KLKB1: variants seen among roughly 807,000 people sequenced by gnomAD.
The protein encoded by KLKB1 is kallikrein B1.
In KLKB1, 58 loss-of-function variants were observed where a neutral mutation model predicts 73.6. The ratio of observed to expected loss-of-function variants is 0.79; its 90% confidence interval spans 0.64 to 0.98. The LOEUF is 0.98. KLKB1 is among the 50% of genes least tolerant of loss of function. KLKB1 has a pLI of 0.00. For missense variants in KLKB1, 737 were observed against 763.8 expected, an observed-to-expected ratio of 0.96 and a Z score of 0.41; for synonymous variants, 280 against 258.1, an observed-to-expected ratio of 1.08 and a Z score of -0.81.
intron 2 of KLKB1, chr4:186,213,534 C>T (rs1228830091): frequency 6.6e-6 from 1 of 152,178 alleles, no homozygotes; most frequent in African/African-American, 2.4e-5. Context: ...TTGTGAATTT[C>T]TCTGACTCTG....
At chr4:186,256,173 C>A in intron 13 of KLKB1, 86 bp downstream of exon 13, 1 of 795,072 alleles carries the variant, frequency 1.3e-6, no homozygotes, top group Non-Finnish European at 2.2e-6. Flanking sequence ...CGGTTTCTGT[C>A]TGAAATTATA....
chr4:186,241,876 CAACATATTAGATAGG>C (rs1441226982), intron 6 of KLKB1, among the ~76,000 whole-genome samples: 4 of 151,906 alleles, frequency 2.6e-5, no homozygotes, highest in African/African-American at 4.8e-5. Flanking sequence ...AAATAGTGCC[CAACATATTAGATAGG>C]AAAAGCAAAG....
At chr4:186,235,987 G>A (rs967898431) in intron 4 of KLKB1, among the ~76,000 whole-genome samples, 16 of 151,800 alleles carry the variant, frequency 1.1e-4, no homozygotes, top group African/African-American at 2.4e-4. Flanking sequence ...GGTGGCGCGC[G>A]CCTGTAGTCC....
chr4:186,219,596 A>G (rs915085461), intron 2 of KLKB1, among the ~76,000 whole-genome samples: 12 of 152,232 alleles, frequency 7.9e-5, no homozygotes, highest in Non-Finnish European at 1.8e-4. Flanking sequence ...AATAAGGAGG[A>G]AATATGACAA....
upstream of KLKB1, among the ~76,000 whole-genome samples, chr4:186,221,666 A>T (rs1421404269): frequency 6.6e-6 from 1 of 152,120 alleles, no homozygotes; most frequent in Non-Finnish European, 1.5e-5. Context: ...ACTTGATATG[A>T]TTTCAATCCT....
Position 186,236,838 on chromosome 4 carries a change from C to G in KLKB1, c.386C>G (p.Ser129Cys), listed in dbSNP as rs776224211. Residue 129 changes from serine (S) to cysteine (C), a missense_variant, in exon 5 of 15, where the codon TCT becomes TGT. Coordinates refer to ENST00000264690, the MANE Select transcript of KLKB1 (RefSeq NM_000892.5). ...VDMRGVNFNV[S>C]KVSSVEECQK... ...ATGAGAGGAGTCAATTTTAATGTGT[C>G]TAAGGTTAGCAGTGTTGAAGAATGC... is the stretch of plus-strand genomic sequence containing the variant. 6.2e-7 allele frequency: 1 copy of G among 1,613,896 alleles called. No individual in the cohort carries two copies. Among genetic ancestry groups the G allele is most frequent in the Non-Finnish European group, 8.5e-7 (1 of 1,179,906 alleles).
At chr4:186,210,898 G>A in intron 2 of KLKB1, 1 of 393,012 alleles carries the variant, frequency 2.5e-6, no homozygotes, top group Non-Finnish European at 4.7e-6. Context: ...GTGCAGTGGT[G>A]TGATCTCAGC....
At chr4:186,231,593 G>A (rs1408264162) in intron 2 of KLKB1, among the ~76,000 whole-genome samples, 1 of 152,236 alleles carries the variant, frequency 6.6e-6, no homozygotes, top group African/African-American at 2.4e-5. Context: ...AGTCAGGGCT[G>A]GGTGACCGTC....
intron 11 of KLKB1, 83 bp downstream of exon 11, chr4:186,252,268 G>A: frequency 7.1e-7 from 1 of 1,417,180 alleles, no homozygotes. Flanking sequence ...TCACCGCCAT[G>A]TGACTTTATG....
chr4:186,251,899 G>A, intron 10 of KLKB1, 38 bp downstream of exon 10: 1 of 1,598,224 alleles, frequency 6.3e-7, no homozygotes, highest in Non-Finnish European at 8.6e-7. Context: ...TGTCAGGGAT[G>A]TCTGTCATGT....
chr4:186,211,621 A>C (rs1031360376), intron 2 of KLKB1: 1 of 151,772 alleles, frequency 6.6e-6, no homozygotes, highest in African/African-American at 2.4e-5. Flanking sequence ...CCAAAGTTCT[A>C]GAATTTTTTA....
Position 186,250,223 on chromosome 4 carries a change from TTC to T in KLKB1, c.599-14_599-13del, listed in dbSNP as rs375521346. ...CTCATGTCATTTCCTAAGGAACATCTTCTCTCTGTGAGTTCACAGGTTGCCAC... is the reference window on the plus strand; with the variant it reads ...CTCATGTCATTTCCTAAGGAACATCTTCTCTGTGAGTTCACAGGTTGCCAC... On this transcript the variant is annotated intron_variant, in intron 6 of 14. Transcript: ENST00000264690. 7 of 1,612,706 alleles carry T rather than the reference TTC, an allele frequency of 4.3e-6. No homozygotes were observed. The African/African-American group carries it at 6.7e-5, about 15-fold the overall frequency.
At chr4:186,222,142 A>G (rs1737046527), upstream of KLKB1, among the ~76,000 whole-genome samples, 1 of 152,166 alleles carries the variant, frequency 6.6e-6, no homozygotes. Context: ...CTTCCAGCTT[A>G]TGTCTGTCCT....
At chr4:186,222,657 A>G (rs1737056374), upstream of KLKB1, among the ~76,000 whole-genome samples, 1 of 152,176 alleles carries the variant, frequency 6.6e-6, no homozygotes, top group African/African-American at 2.4e-5. Context: ...TTGTTTTTTA[A>G]CTTTTATACT....
intron 11 of KLKB1, among the ~76,000 whole-genome samples, chr4:186,252,454 A>ACCCACCACCAAT (rs1361399701): frequency 0.011 from 1,603 of 151,140 alleles, 27 homozygotes; most frequent in African/African-American, 0.037. Context: ...CCAACCCACC[A>ACCCACCACCAAT]CCCACCACCA....
At chr4:186,249,523 C>T (rs1206192461) in intron 6 of KLKB1, among the ~76,000 whole-genome samples, 1 of 152,118 alleles carries the variant, frequency 6.6e-6, no homozygotes, top group African/African-American at 2.4e-5. Context: ...CATAACTTTG[C>T]AGTAAGTTTT....
At chr4:186,257,657 ATTTC>A (rs1739074369) in intron 14 of KLKB1, among the ~76,000 whole-genome samples, 1 of 152,088 alleles carries the variant, frequency 6.6e-6, no homozygotes, top group African/African-American at 2.4e-5. Flanking sequence ...TGATATCAAG[ATTTC>A]TTTGTTAGAT....
intron 6 of KLKB1, among the ~76,000 whole-genome samples, chr4:186,241,675 C>T (rs1738059493): frequency 6.6e-6 from 1 of 151,918 alleles, no homozygotes; most frequent in South Asian, 2.1e-4. Flanking sequence ...AGGAGGAAAA[C>T]ATAAATTGGA....
At chr4:186,252,505 C>T (rs537855348) in intron 11 of KLKB1, among the ~76,000 whole-genome samples, 2 of 150,242 alleles carry the variant, frequency 1.3e-5, no homozygotes, top group East Asian at 2.0e-4. Context: ...CCACCCACCA[C>T]CAATCTCACC....
Sources: gnomAD v4.1 joint callset for allele counts (sites outside exome capture counted in the v4.1 genomes callset) on GRCh38, gnomAD v4.1.1 for gene constraint, MANE v1.5 for transcripts, NCBI Gene and HGNC (gene_info 2026-07-23, HGNC 2026-07-21) for gene names.